The following PCDH15 variants were observed in gnomAD, a reference collection of about 807,000 sequenced individuals.
PCDH15 encodes protocadherin related 15.
In PCDH15, 129 loss-of-function variants were observed where a neutral mutation model predicts 178.5. That is an observed-to-expected ratio of 0.72 (90% CI 0.63 to 0.84). PCDH15 has a LOEUF of 0.84. PCDH15 is among the 40% of genes least tolerant of loss of function. The pLI, the probability that PCDH15 is intolerant of heterozygous loss-of-function variation, is 0.00. For missense variants in PCDH15, 2,230 were observed against 2,099.9 expected (o/e 1.06, Z -1.21); for synonymous variants, 800 against 732.0 (o/e 1.09, Z -1.50).
chr10:54,827,319 T>C (rs1323640600), intron 3 of PCDH15, among the ~76,000 whole-genome samples: 9 of 152,214 alleles, frequency 5.9e-5, no homozygotes, highest in African/African-American at 2.2e-4. Context: ...AATACTGCAG[T>C]GAACACTTTA....
At chr10:54,055,529 G>T (rs754373598) in intron 18 of PCDH15, among the ~76,000 whole-genome samples, 1 of 152,084 alleles carries the variant, frequency 6.6e-6, no homozygotes, top group Non-Finnish European at 1.5e-5. Context: ...TATGCCCAGG[G>T]TTGCTATGAA....
At chr10:55,571,018 A>T (rs1842398782) in intron 2 of PCDH15, among the ~76,000 whole-genome samples, 1 of 151,962 alleles carries the variant, frequency 6.6e-6, no homozygotes, top group Admixed American at 6.6e-5. Context: ...TCCCCTCCAA[A>T]TCTCATGTTG....
intron 1 of PCDH15, among the ~76,000 whole-genome samples, chr10:54,688,134 T>A (rs2095049114): frequency 6.6e-6 from 1 of 152,260 alleles, no homozygotes; most frequent in Non-Finnish European, 1.5e-5. Context: ...TCAATTAAAT[T>A]AAAAAATAAA....
chr10:54,479,585 G>GA (rs563015840), intron 3 of PCDH15, among the ~76,000 whole-genome samples: 137 of 151,598 alleles, frequency 9.0e-4, no homozygotes, highest in South Asian at 2.3e-3. Flanking sequence ...CATCCTCATA[G>GA]AAAAAAATAA....
At chr10:54,749,089 T>C (rs533518256) in intron 1 of PCDH15, among the ~76,000 whole-genome samples, 1 of 152,154 alleles carries the variant, frequency 6.6e-6, no homozygotes, top group South Asian at 2.1e-4. Flanking sequence ...ATAATAAACC[T>C]GATAGTGCTG....
At chr10:54,491,603 A>C (rs1402610110) in intron 3 of PCDH15, among the ~76,000 whole-genome samples, 1 of 152,162 alleles carries the variant, frequency 6.6e-6, no homozygotes, top group Non-Finnish European at 1.5e-5. Flanking sequence ...TAAAGAAAGC[A>C]GTGGGGACAA....
chr10:54,359,447 C>T (rs1945636119), intron 5 of PCDH15, among the ~76,000 whole-genome samples: 1 of 151,694 alleles, frequency 6.6e-6, no homozygotes, highest in Non-Finnish European at 1.5e-5. Flanking sequence ...TCACTTAGGT[C>T]TAAATTGTTC....
At chr10:55,348,417 A>G (rs1422247479) in intron 2 of PCDH15, among the ~76,000 whole-genome samples, 1 of 147,494 alleles carries the variant, frequency 6.8e-6, no homozygotes, top group Non-Finnish European at 1.5e-5. Context: ...CAACAATAAT[A>G]ACAATAATAA....
intron 14 of PCDH15, among the ~76,000 whole-genome samples, chr10:54,139,351 C>CT (rs1193027200): frequency 6.6e-6 from 1 of 151,854 alleles, no homozygotes; most frequent in East Asian, 1.9e-4. Flanking sequence ...ATGATGGTGT[C>CT]TAATATTTCA....
intron 2 of PCDH15, among the ~76,000 whole-genome samples, chr10:54,564,969 T>C (rs2088802502): frequency 1.3e-5 from 2 of 152,208 alleles, no homozygotes; most frequent in African/African-American, 4.8e-5. Flanking sequence ...TGTCACTTTC[T>C]CTTCAGCAAT....
chr10:54,766,316 A>C (rs1397326486), intron 1 of PCDH15, among the ~76,000 whole-genome samples: 3 of 152,166 alleles, frequency 2.0e-5, no homozygotes, highest in Non-Finnish European at 4.4e-5. Flanking sequence ...TTTCATTTTA[A>C]CATCATTGCA....
intron 2 of PCDH15, among the ~76,000 whole-genome samples, chr10:55,478,794 A>G (rs1840112933): frequency 6.6e-6 from 1 of 151,178 alleles, no homozygotes; most frequent in African/African-American, 2.4e-5. Flanking sequence ...GGCGCGAAAA[A>G]GGAGATGTTA....
At chr10:54,259,696 G>T (rs2057175633) in intron 8 of PCDH15, among the ~76,000 whole-genome samples, 1 of 152,080 alleles carries the variant, frequency 6.6e-6, no homozygotes, top group Non-Finnish European at 1.5e-5. Context: ...TTCTCTGTGT[G>T]TTTCCTGAAA....
intron 8 of PCDH15, among the ~76,000 whole-genome samples, chr10:54,245,086 T>A (rs2055789826): frequency 1.3e-5 from 2 of 151,964 alleles, no homozygotes; most frequent in Admixed American, 1.3e-4. Flanking sequence ...ACTCCCTAGG[T>A]TTTTCACCCT....
intron 2 of PCDH15, among the ~76,000 whole-genome samples, chr10:55,520,523 G>GTA (rs149714731): frequency 0.3 from 43,544 of 145,254 alleles, 6,871 homozygotes; most frequent in East Asian, 0.49. Context: ...GTGTGTGTGT[G>GTA]TATATATATA....
chr10:53,812,317 C>A (rs560317489), intron 35 of PCDH15, among the ~76,000 whole-genome samples: 1 of 152,242 alleles, frequency 6.6e-6, no homozygotes, highest in African/African-American at 2.4e-5. Flanking sequence ...ATGCCATTCT[C>A]CTGCCTCAGC....
chr10:54,842,510 G>A (rs914411565), intron 3 of PCDH15, among the ~76,000 whole-genome samples: 4 of 151,710 alleles, frequency 2.6e-5, no homozygotes, highest in African/African-American at 9.7e-5. Context: ...AATCATCTAA[G>A]GTTCTAATTT....
intron 25 of PCDH15, chr10:53,905,127 A>AT: frequency 7.8e-6 from 4 of 515,460 alleles, no homozygotes; most frequent in South Asian, 5.6e-5. Flanking sequence ...CCTAATAAAT[A>AT]TATCTTGTGT....
intron 14 of PCDH15, among the ~76,000 whole-genome samples, chr10:54,141,126 A>C (rs888832523): frequency 4.6e-5 from 7 of 151,246 alleles, no homozygotes; most frequent in Non-Finnish European, 5.9e-5. Flanking sequence ...ATAATATATA[A>C]AACTATTGAT....
Sources: gnomAD v4.1 joint callset for allele counts (sites outside exome capture counted in the v4.1 genomes callset) on GRCh38, gnomAD v4.1.1 for gene constraint, MANE v1.5 for transcripts, NCBI Gene and HGNC (gene_info 2026-07-23, HGNC 2026-07-21) for gene names.